The following CNTN5 variants were observed in gnomAD, a reference collection of about 807,000 sequenced individuals.
The protein encoded by CNTN5 is contactin 5.
CNTN5 carries 77 observed loss-of-function variants against 129.1 expected under a neutral mutation model. The ratio of observed to expected loss-of-function variants is 0.60; its 90% CI spans 0.50 to 0.72. The LOEUF (loss-of-function observed/expected upper bound fraction) is 0.72. Among genes scored for constraint, CNTN5 ranks in the 30% least tolerant of loss-of-function variants. The pLI is 0.00. For missense variants in CNTN5, 1,478 were observed against 1,328.8 expected (o/e 1.11, Z -1.75); for synonymous variants, 509 against 465.6 (o/e 1.09, Z -1.20).
At chr11:100,229,529 T>C (rs1282622830) in intron 16 of CNTN5, among the ~76,000 whole-genome samples, 1 of 152,220 alleles carries the variant, frequency 6.6e-6, no homozygotes, top group Non-Finnish European at 1.5e-5. Flanking sequence ...TAATCTTTAG[T>C]GATTCTCACT....
chr11:100,059,480 G>A (rs887119297), intron 9 of CNTN5, among the ~76,000 whole-genome samples: 5 of 151,862 alleles, frequency 3.3e-5, no homozygotes, highest in Admixed American at 1.3e-4. Context: ...AAAACACAAA[G>A]AACTCTAAGA....
chr11:100,006,413 C>T (rs1940192116), intron 9 of CNTN5, among the ~76,000 whole-genome samples: 2 of 152,260 alleles, frequency 1.3e-5, no homozygotes, highest in South Asian at 4.1e-4. Context: ...TCAATCCTCT[C>T]TAACTCTGCC....
intron 13 of CNTN5, among the ~76,000 whole-genome samples, chr11:100,093,923 C>T (rs919668844): frequency 6.6e-6 from 1 of 152,132 alleles, no homozygotes; most frequent in African/African-American, 2.4e-5. Context: ...CATTTCCCTT[C>T]AGGGTGAACA....
At chr11:99,415,609 G>T (rs182449598) in intron 2 of CNTN5, among the ~76,000 whole-genome samples, 255 of 152,274 alleles carry the variant, frequency 1.7e-3, no homozygotes, top group Non-Finnish European at 3.0e-3. Context: ...CACATTGTGG[G>T]TGGGGGATTC....
At chr11:99,664,177 C>CT (rs1441646081) in intron 3 of CNTN5, among the ~76,000 whole-genome samples, 1 of 152,152 alleles carries the variant, frequency 6.6e-6, no homozygotes, top group Non-Finnish European at 1.5e-5. Context: ...GGAAGACATG[C>CT]TTTGTACAAA....
intron 13 of CNTN5, among the ~76,000 whole-genome samples, chr11:100,121,273 C>T (rs748538338): frequency 6.6e-6 from 1 of 151,974 alleles, no homozygotes; most frequent in Non-Finnish European, 1.5e-5. Context: ...ATAAAATGGT[C>T]TAGGACCAAG....
chr11:99,209,469 A>C (rs115208219), intron 1 of CNTN5, among the ~76,000 whole-genome samples: 1 of 70,462 alleles, frequency 1.4e-5, no homozygotes, highest in Non-Finnish European at 2.7e-5. Flanking sequence ...TGTTTTAAGC[A>C]AGTAGATCTT....
At chr11:99,582,728 A>AT (rs1479232787) in intron 3 of CNTN5, among the ~76,000 whole-genome samples, 2 of 8,338 alleles carry the variant, frequency 2.4e-4, no homozygotes, top group Non-Finnish European at 4.6e-3. Context: ...CCATTTGTCT[A>AT]ATTTTTTTCA....
intron 13 of CNTN5, among the ~76,000 whole-genome samples, chr11:100,189,645 G>T (rs1199991040): frequency 6.6e-6 from 1 of 152,042 alleles, no homozygotes; most frequent in African/African-American, 2.4e-5. Flanking sequence ...ACATTGTTTT[G>T]TAGCATAGGT....
intron 2 of CNTN5, among the ~76,000 whole-genome samples, chr11:99,453,305 T>A (rs1419412067): frequency 6.6e-6 from 1 of 152,132 alleles, no homozygotes; most frequent in African/African-American, 2.4e-5. Flanking sequence ...GAGGAAAGCG[T>A]TGGAGAAAGG....
intron 24 of CNTN5, 39 bp from the exon 25 acceptor site, chr11:100,356,078 C>G (rs746699228): frequency 1.3e-5 from 19 of 1,415,038 alleles, no homozygotes; most frequent in Admixed American, 1.8e-5. Context: ...CAAGCAAAAC[C>G]AAGATAATTT....
intron 21 of CNTN5, among the ~76,000 whole-genome samples, chr11:100,331,303 C>T (rs1412478233): frequency 2.0e-5 from 3 of 152,018 alleles, no homozygotes; most frequent in African/African-American, 7.2e-5. Flanking sequence ...AATATATATG[C>T]ACCTAACATT....
At chr11:100,061,702 T>G (rs1042046056) in intron 10 of CNTN5, among the ~76,000 whole-genome samples, 57 of 152,194 alleles carry the variant, frequency 3.7e-4, no homozygotes, top group African/African-American at 1.4e-3. Flanking sequence ...ACTTATTAAC[T>G]TATTCTACAA....
intron 2 of CNTN5, among the ~76,000 whole-genome samples, chr11:99,497,447 A>T (rs1403514110): frequency 6.6e-6 from 1 of 152,178 alleles, no homozygotes; most frequent in Non-Finnish European, 1.5e-5. Context: ...ACCCAGATAG[A>T]AAATTCCCCT....
chr11:100,324,864 T>C (rs1951759646), intron 21 of CNTN5, among the ~76,000 whole-genome samples: 1 of 152,186 alleles, frequency 6.6e-6, no homozygotes, highest in African/African-American at 2.4e-5. Flanking sequence ...AAAGTTTAAC[T>C]AAGCATCATT....
intron 3 of CNTN5, among the ~76,000 whole-genome samples, chr11:99,690,220 T>C (rs1484677727): frequency 1.3e-5 from 2 of 152,194 alleles, no homozygotes; most frequent in African/African-American, 4.8e-5. Context: ...GCCTGGTTCA[T>C]CAAAGATCAG....
At chr11:100,322,211 A>G (rs1421046669) in intron 21 of CNTN5, among the ~76,000 whole-genome samples, 3 of 149,472 alleles carry the variant, frequency 2.0e-5, no homozygotes, top group African/African-American at 4.9e-5. Context: ...GTTACATGCA[A>G]CTGTAGGTAA....
At chr11:99,334,847 A>G (rs1391905340) in intron 2 of CNTN5, among the ~76,000 whole-genome samples, 2 of 151,768 alleles carry the variant, frequency 1.3e-5, no homozygotes, top group Non-Finnish European at 2.9e-5. Context: ...CTTAATTGTT[A>G]CTATTATTTT....
At chr11:99,894,515 CA>C (rs202067813) in intron 6 of CNTN5, among the ~76,000 whole-genome samples, 60,761 of 107,302 alleles carry the variant, frequency 0.57, 17,019 homozygotes, top group Middle Eastern at 0.68. Flanking sequence ...GTACCAGCAG[CA>C]AAAAAAAAAA....
Sources: gnomAD v4.1 joint callset for allele counts (sites outside exome capture counted in the v4.1 genomes callset) on GRCh38, gnomAD v4.1.1 for gene constraint, MANE v1.5 for transcripts, NCBI Gene and HGNC (gene_info 2026-07-23, HGNC 2026-07-21) for gene names.